Variants in ENPP6 observed in about 807,000 individuals in gnomAD.
ENPP6 encodes glycerophosphocholine cholinephosphodiesterase ENPP6.
In ENPP6, 32 loss-of-function variants were observed where a neutral mutation model predicts 42.0. That is an observed-to-expected ratio of 0.76 (90% CI 0.58 to 1.02). ENPP6 has a LOEUF of 1.02. Ranked by LOEUF, ENPP6 falls within the 50% of genes least tolerant of loss-of-function variation. The pLI is 0.00. For missense variants in ENPP6, 552 were observed against 566.8 expected (o/e 0.97, Z 0.27); for synonymous variants, 213 against 216.0 (o/e 0.99, Z 0.12).
rs370013575 is a variant in ENPP6, at chr4:184,140,875, C to T, written c.421+12679G>A. On this transcript the variant is annotated intron_variant, in intron 2 of 7. Coordinates refer to ENST00000296741, the MANE Select transcript of ENPP6 (RefSeq NM_153343.4). ...ACACCAAAAGCAATGGCAACCAAAG[C>T]CAAAATTGACAAATGGGATCTAATT... Among the ~76,000 whole-genome samples, 1,266 of 139,318 alleles carry T rather than the reference C, an allele frequency of 9.1e-3. 20 individuals are homozygous for T. The highest frequency in any genetic ancestry group is 0.035 in the South Asian group (134 of 3,784). The allele number at this position is 139,318 out of a possible 152,430, so 91.4% of individuals were successfully genotyped here.
intron 2 of ENPP6, among the ~76,000 whole-genome samples, chr4:184,137,183 G>A (rs1326483083): frequency 2.0e-5 from 3 of 152,162 alleles, no homozygotes; most frequent in East Asian, 1.9e-4. Flanking sequence ...TGCAACCTCC[G>A]CCTTCCAGGT....
intron 2 of ENPP6, among the ~76,000 whole-genome samples, chr4:184,131,719 T>C (rs1736638493): frequency 6.6e-6 from 1 of 151,808 alleles, no homozygotes; most frequent in African/African-American, 2.4e-5. Flanking sequence ...CTTGGATTTG[T>C]TGGTTTTCAA....
At chr4:184,131,267 C>CTTT (rs758706653) in intron 2 of ENPP6, among the ~76,000 whole-genome samples, 7,626 of 71,004 alleles carry the variant, frequency 0.11, 590 homozygotes, top group African/African-American at 0.12. Flanking sequence ...TCTCTTCCTT[C>CTTT]CTTCCTTCCT....
At chr4:184,131,282 T>C (rs560266957) in intron 2 of ENPP6, among the ~76,000 whole-genome samples, 1 of 145,740 alleles carries the variant, frequency 6.9e-6, no homozygotes, top group African/African-American at 2.5e-5. Flanking sequence ...CTTCCTTCCT[T>C]CCTTCCTTCC....
In ENPP6 at chr4:184,121,356, T is replaced by G. The variant is rs539597342; in HGVS notation, c.533+2805A>C. 1.8e-3 allele frequency among the ~76,000 whole-genome samples: 276 copies of G among 152,360 alleles called. 2 individuals are homozygous for G. The highest frequency in any genetic ancestry group is 6.3e-3 in the African/African-American group (261 of 41,590). On this transcript the variant is annotated intron_variant, in intron 3 of 7. Transcript: ENST00000296741. ...CATAGATCCTCTGCTGAAATGTCCC[T>G]GAGCAGACCTCTATGTTCAAGATCT... is the stretch of plus-strand genomic sequence containing the variant.
At chr4:184,212,530 A>G (rs1340099318) in intron 1 of ENPP6, among the ~76,000 whole-genome samples, 2 of 151,168 alleles carry the variant, frequency 1.3e-5, no homozygotes, top group African/African-American at 4.9e-5. Flanking sequence ...TCCCACTTAC[A>G]AGGGATGTGA....
intron 2 of ENPP6, among the ~76,000 whole-genome samples, chr4:184,132,123 A>T (rs4615213): frequency 0.64 from 97,281 of 151,824 alleles, 31,482 homozygotes; most frequent in Non-Finnish European, 0.68. Flanking sequence ...TTGGGGAGGG[A>T]AAAATACATT....
intron 3 of ENPP6, among the ~76,000 whole-genome samples, chr4:184,120,156 G>A (rs950192525): frequency 3.3e-5 from 5 of 152,170 alleles, no homozygotes; most frequent in African/African-American, 9.7e-5. Context: ...ATGTGGCTGA[G>A]CAGGCATGAG....
At chr4:184,129,247 C>T (rs4241786) in intron 2 of ENPP6, among the ~76,000 whole-genome samples, 102,875 of 150,848 alleles carry the variant, frequency 0.68, 35,376 homozygotes, top group African/African-American at 0.75. Context: ...GTCTGTAATC[C>T]GTGGAAAAAT....
intron 2 of ENPP6, among the ~76,000 whole-genome samples, chr4:184,134,531 C>T (rs1458885499): frequency 3.3e-5 from 5 of 152,064 alleles, no homozygotes; most frequent in Non-Finnish European, 7.4e-5. Context: ...AACATTTTCA[C>T]ACTGTATTAC....
rs547118651 is a variant in ENPP6, at chr4:184,204,487, G to T, written c.241+13092C>A. Among the ~76,000 whole-genome samples the T allele has an allele frequency of 6.6e-5, 10 of 152,266 alleles. 1 individual carries two copies. The East Asian group carries it at 1.9e-3, about 29-fold the overall frequency. On this transcript the variant is annotated intron_variant, in intron 1 of 7. Coordinates refer to ENST00000296741, the MANE Select transcript of ENPP6 (RefSeq NM_153343.4). ...CTGAACCGTCCTCACAGTGTTCCAC[G>T]CTGGTTCTGAATCATGTGCCTGGTT... is the stretch of plus-strand genomic sequence containing the variant.
At chr4:184,148,046 C>T (rs1311572384) in intron 2 of ENPP6, among the ~76,000 whole-genome samples, 2 of 152,148 alleles carry the variant, frequency 1.3e-5, no homozygotes, top group African/African-American at 2.4e-5. Context: ...GAGCTAGACT[C>T]CTTATTAGAT....
In ENPP6 at chr4:184,177,532, C is replaced by T. The variant is rs202191164; in HGVS notation, c.242-23799G>A. Among the ~76,000 whole-genome samples, 20 of 152,298 alleles carry T rather than the reference C, an allele frequency of 1.3e-4. 1 individual carries two copies. In the East Asian group the frequency reaches 1.7e-3, roughly 13 times the overall value. ...GGGGCAGCCAGAGTGCTTTGTTAAG[C>T]GGGTCTCTGATCCTGTGACTCCTGA... On this transcript the variant is annotated intron_variant, in intron 1 of 7. Transcript: ENST00000296741.
chr4:184,193,732 CA>C (rs1433934510), intron 1 of ENPP6, among the ~76,000 whole-genome samples: 1 of 152,166 alleles, frequency 6.6e-6, no homozygotes, highest in Non-Finnish European at 1.5e-5. Flanking sequence ...AATTAGGTTA[CA>C]TTCTCCAGAT....
intron 1 of ENPP6, among the ~76,000 whole-genome samples, chr4:184,186,378 A>T (rs1561004906): frequency 6.6e-6 from 1 of 152,200 alleles, no homozygotes; most frequent in Admixed American, 6.5e-5. Flanking sequence ...AGCTAAAAAG[A>T]CGCAAAGTAG....
intron 2 of ENPP6, among the ~76,000 whole-genome samples, chr4:184,124,613 G>A (rs1468087826): frequency 6.6e-6 from 1 of 152,114 alleles, no homozygotes; most frequent in Admixed American, 6.5e-5. Context: ...GATTTTTCAT[G>A]AATCTAAGTC....
chr4:184,089,149 T>C lies in ENPP6; in HGVS notation c.*2028A>G, dbSNP rs978818664. The C allele has an allele frequency of 6.6e-6, 1 of 152,242 alleles. No individual in the cohort carries two copies. Among genetic ancestry groups the C allele is most frequent in the African/African-American group, 2.4e-5 (1 of 41,478 alleles). The allele number at this position is 152,242 out of a possible 1,614,324, so 9.4% of individuals were successfully genotyped here. A position where few individuals can be genotyped will look rare whatever the true frequency, so the allele number is the denominator to read the frequency against. Reference sequence around the variant, plus strand: ...TTGAAAGTTGTCATTTGTTTTCAGCTAGATAACAAAGGCTGAAGAGTTGCC... The same window carrying C: ...TTGAAAGTTGTCATTTGTTTTCAGCCAGATAACAAAGGCTGAAGAGTTGCC... On this transcript the variant is annotated 3_prime_UTR_variant, in exon 8 of 8. Transcript: ENST00000296741.
rs2111346282 is a variant in ENPP6, at chr4:184,116,894, C to T, written c.817G>A (p.Val273Ile). Residue 273 changes from valine to isoleucine, a missense_variant, in exon 5 of 8, where the codon GTT (valine) becomes ATT (isoleucine). Coordinates refer to ENST00000296741, the MANE Select transcript of ENPP6 (RefSeq NM_153343.4). ...DLQQVKDRGPVVSLWPAPGKH... is the reference protein window; with the variant it reads ...DLQQVKDRGPIVSLWPAPGKH... ...CCAGGGGCCGGCCAAAGGCTCACAA[C>T]AGGCCCGCGGTCCTTCACTTGCTGC... 1.2e-6 allele frequency: 2 copies of T among 1,614,124 alleles called. No individual in the cohort carries two copies. Among genetic ancestry groups the T allele is most frequent in the South Asian group, 1.1e-5 (1 of 91,076 alleles).
rs61030947 is a variant in ENPP6, at chr4:184,132,834, CATATATAT to C, written c.422-8570_422-8563del. Among the ~76,000 whole-genome samples the C allele has an allele frequency of 4.4e-3, 352 of 80,866 alleles. 2 individuals are homozygous for C. The highest frequency in any genetic ancestry group is 0.014 in the African/African-American group (300 of 20,802). The allele number at this position is 80,866 out of a possible 152,430, so 53.1% of individuals were successfully genotyped here. A position where few individuals can be genotyped will look rare whatever the true frequency, so the allele number is the denominator to read the frequency against. ...ATACATATATACACACACACACACA[CATATATAT>C]ATATATATATATATAAAATCTCCAA... On this transcript the variant is annotated intron_variant, in intron 2 of 7. Coordinates refer to ENST00000296741, the MANE Select transcript of ENPP6 (RefSeq NM_153343.4).
Sources: allele counts gnomAD v4.1 joint callset (sites outside exome capture counted in the v4.1 genomes callset), GRCh38; gene constraint gnomAD v4.1.1; transcripts MANE v1.5; gene names NCBI Gene and HGNC (gene_info 2026-07-23, HGNC 2026-07-21).